SASS6: variants seen among roughly 807,000 people sequenced by gnomAD.
SASS6 encodes the protein SAS-6 centriolar assembly protein, also known as spindle assembly abnormal protein 6 homolog.
Under a neutral mutation model 94.9 loss-of-function variants are expected in SASS6, and 59 were observed. That is an observed-to-expected ratio of 0.62 (90% CI 0.50 to 0.77). SASS6 has a LOEUF of 0.77. Among genes scored for constraint, SASS6 ranks in the 30% least tolerant of loss-of-function variants. SASS6 has a pLI of 0.00. For synonymous variants in SASS6, 264 were observed against 270.0 expected (o/e 0.98, Z 0.22); for missense variants, 698 against 734.1 (o/e 0.95, Z 0.57).
At position 100,102,951 on chromosome 1, in the gene SASS6, C is replaced by T; in HGVS notation, c.1674+4G>A. On this transcript the variant is annotated splice_donor_region_variant and intron_variant, in intron 14 of 16. Transcript: ENST00000287482. ...CCAGAACAAGTATTAGTTAATTTGG[C>T]TACCTTTGTTCCTGAACCAGGGTGG... 1.2e-6 allele frequency: 2 copies of T among 1,603,998 alleles called. No individual in the cohort carries two copies. Among genetic ancestry groups the T allele is most frequent in the Non-Finnish European group, 1.7e-6 (2 of 1,175,816 alleles).
intron 7 of SASS6, among the ~76,000 whole-genome samples, chr1:100,112,645 T>C (rs945911218): frequency 1.3e-5 from 2 of 152,198 alleles, no homozygotes; most frequent in East Asian, 3.8e-4. Context: ...TTATTCCCTA[T>C]AACATTTGTA....
At chr1:100,089,118 A>G (rs1353579547) in intron 14 of SASS6, among the ~76,000 whole-genome samples, 3 of 152,180 alleles carry the variant, frequency 2.0e-5, no homozygotes, top group East Asian at 3.8e-4. Context: ...AATAGTCAAT[A>G]TATAAAATGA....
intron 14 of SASS6, 85 bp from the exon 15 acceptor site, chr1:100,088,321 T>G: frequency 1.5e-6 from 1 of 674,838 alleles, no homozygotes; most frequent in Non-Finnish European, 2.7e-6. Context: ...AACAGAGCCT[T>G]GCTCTGTTGC....
chr1:100,112,028 A>G (rs1257883833), intron 7 of SASS6, among the ~76,000 whole-genome samples: 2 of 152,130 alleles, frequency 1.3e-5, no homozygotes, highest in Non-Finnish European at 2.9e-5. Context: ...CACATTTTCT[A>G]CTTTGTTCCC....
intron 6 of SASS6, among the ~76,000 whole-genome samples, chr1:100,119,729 C>T (rs2101682778): frequency 6.6e-6 from 1 of 152,262 alleles, no homozygotes; most frequent in East Asian, 1.9e-4. Flanking sequence ...TACCTCCTTC[C>T]TCCCACCCTC....
intron 7 of SASS6, among the ~76,000 whole-genome samples, chr1:100,117,012 G>A (rs1179424641): frequency 6.6e-6 from 1 of 152,142 alleles, no homozygotes. Flanking sequence ...GAAGCTATAA[G>A]GCTGGGCACA....
In SASS6 at chr1:100,121,400, G is replaced by A. The variant is rs1464392631; in HGVS notation, c.461C>T (p.Ala154Val). The A allele has an allele frequency of 1.3e-6, 2 of 1,579,558 alleles. No individual in the cohort carries two copies. The highest frequency in any genetic ancestry group is 8.6e-7 in the Non-Finnish European group (1 of 1,168,828). The change falls in exon 5 of 17, where the codon GCA becomes GTA. Residue 154 changes from alanine (A) to valine (V), a missense_variant. Physicochemically the swap from Ala to Val is moderately conservative, Grantham distance 64. Transcript: ENST00000287482. The part of the protein sequence containing the change: ...GNDVEIKKFL[A>V]GCLKCSKEEK... ...TACCTTGCTACATTTCAAACAGCCTGCGAGAAATTTCTTTATCTCCACATC... is the reference window on the plus strand; with the variant it reads ...TACCTTGCTACATTTCAAACAGCCTACGAGAAATTTCTTTATCTCCACATC...
intron 8 of SASS6, 150 bp downstream of exon 8, chr1:100,110,142 A>G (rs1192389444): frequency 2.3e-6 from 1 of 431,878 alleles, no homozygotes; most frequent in Non-Finnish European, 4.1e-6. Context: ...TCAAATTTCA[A>G]ATTCTCAATT....
At position 100,127,822 on chromosome 1, in the gene SASS6, G is replaced by C. The variant is rs570887868; in HGVS notation, c.66-1880C>G. On this transcript the variant is annotated intron_variant, in intron 1 of 16. Transcript: ENST00000287482. ...GGCAACACAGCAAGATTAAGCTTTC[G>C]TGGTGGGGTGGGGGAGGGGGGGACT... is the stretch of plus-strand genomic sequence containing the variant. Among the ~76,000 whole-genome samples the C allele has an allele frequency of 2.4e-3, 353 of 149,754 alleles. 1 individual carries two copies. Among genetic ancestry groups the C allele is most frequent in the African/African-American group, 8.1e-3 (330 of 40,570 alleles).
chr1:100,131,661 T>C (rs1333250256), intron 1 of SASS6, among the ~76,000 whole-genome samples: 1 of 152,176 alleles, frequency 6.6e-6, no homozygotes, highest in Non-Finnish European at 1.5e-5. Flanking sequence ...CAGATCTCCA[T>C]ATGCAGCTGC....
intron 7 of SASS6, 54 bp from the exon 8 acceptor site, chr1:100,110,537 C>G: frequency 1.1e-6 from 1 of 890,238 alleles, no homozygotes; most frequent in Non-Finnish European, 1.6e-6. Flanking sequence ...ATCAGAAATA[C>G]AAATACAGAA....
intron 14 of SASS6, among the ~76,000 whole-genome samples, chr1:100,092,579 T>C (rs1340691939): frequency 1.3e-5 from 2 of 152,044 alleles, no homozygotes; most frequent in Non-Finnish European, 2.9e-5. Context: ...TGTGTTTTTT[T>C]GTTTGTTTGT....
At position 100,085,567 on chromosome 1, in the gene SASS6, G is replaced by T. The variant is rs575705848; in HGVS notation, c.1836C>A (p.Arg612=). The change falls in exon 16 of 17, where the codon CGC becomes CGA. Residue 612 remains arginine, a synonymous_variant. Coordinates refer to ENST00000287482, the MANE Select transcript of SASS6 (RefSeq NM_194292.3). ...LKKREDSIPL[R]GLSQNLFSNS... ...TACTAAATAGGTTCTGGCTGAGTCC[G>T]CGTAAAGGAATGCTATCTTCCCTTT... The T allele has an allele frequency of 6.8e-6, 11 of 1,612,852 alleles. No individual in the cohort carries two copies. Among genetic ancestry groups the T allele is most frequent in the Middle Eastern group, 1.7e-4 (1 of 6,032 alleles).
In SASS6 at chr1:100,101,344, T is replaced by C. The variant is rs574541787; in HGVS notation, c.1674+1611A>G. The stretch of plus-strand genomic sequence containing the variant: ...TGTTCTGTTTTAGGGTTTTTTTTTT[T>C]CCCTGTTAGGGATACATAATTAAAA... On this transcript the variant is annotated intron_variant, in intron 14 of 16. Coordinates refer to ENST00000287482, the MANE Select transcript of SASS6 (RefSeq NM_194292.3). Among the ~76,000 whole-genome samples the C allele has an allele frequency of 2.8e-3, 432 of 151,808 alleles. 3 individuals are homozygous for C. The highest frequency in any genetic ancestry group is 9.9e-3 in the African/African-American group (412 of 41,448).
At chr1:100,108,705 T>C (rs1239678891) in intron 8 of SASS6, among the ~76,000 whole-genome samples, 2 of 152,090 alleles carry the variant, frequency 1.3e-5, no homozygotes, top group Admixed American at 6.5e-5. Flanking sequence ...GCACAAACTT[T>C]AGTATCAAAC....
intron 4 of SASS6, among the ~76,000 whole-genome samples, chr1:100,121,915 GTTC>G (rs1454951843): frequency 5.3e-5 from 8 of 152,242 alleles, no homozygotes; most frequent in Admixed American, 1.3e-4. Flanking sequence ...CTGAGGAAAA[GTTC>G]TTCTTTATAG....
intron 1 of SASS6, among the ~76,000 whole-genome samples, chr1:100,127,480 G>A (rs1349188989): frequency 1.7e-5 from 1 of 60,432 alleles, no homozygotes; most frequent in Non-Finnish European, 5.4e-5. Context: ...GTTTCTTGTT[G>A]AACATATGAT....
In SASS6 at chr1:100,110,377, G is replaced by A. The variant is rs13375867; in HGVS notation, c.776C>T (p.Ala259Val). 642,184 of 1,601,546 alleles carry A rather than the reference G, an allele frequency of 0.4. 136,432 individuals carry two copies. Among genetic ancestry groups the A allele is most frequent in the East Asian group, 0.63 (28,174 of 44,594 alleles). ...QLQNRLSELE[A>V]ANKDLTERKY... ...TCTTTCGGTTAAGTCTTTATTAGCC[G>A]CTTCTAACTCAGACAGTCTGTTTTG... is the stretch of plus-strand genomic sequence containing the variant. The change falls in exon 8 of 17, where the codon GCG becomes GTG. Residue 259 changes from alanine to valine, a missense_variant. Transcript: ENST00000287482.
In SASS6 at chr1:100,103,135, G is replaced by A. The variant is rs186927814; in HGVS notation, c.1546-52C>T. ...AAAGATGATAAATTAATTCTAAATA[G>A]TATTTGTTGATCAGGTGGCATTAGC... is the stretch of plus-strand genomic sequence containing the variant. On this transcript the variant is annotated intron_variant, in intron 13 of 16. Transcript: ENST00000287482. The A allele has an allele frequency of 2.6e-4, 321 of 1,237,466 alleles. 2 individuals are homozygous for A. The African/African-American group carries it at 4.4e-3, about 17-fold the overall frequency. 76.7% of individuals were successfully genotyped at this position (1,237,466 alleles called of 1,614,324 possible).
Sources: allele counts gnomAD v4.1 joint callset (sites outside exome capture counted in the v4.1 genomes callset), GRCh38; gene constraint gnomAD v4.1.1; transcripts MANE v1.5; gene names NCBI Gene and HGNC (gene_info 2026-07-23, HGNC 2026-07-21).